The following DMBT1 variants were observed in gnomAD, a reference collection of about 807,000 sequenced individuals.
The protein encoded by DMBT1 is deleted in malignant brain tumors 1, also known as scavenger receptor cysteine-rich domain-containing protein DMBT1.
DMBT1 carries 198 observed loss-of-function variants against 252.9 expected under a neutral mutation model. The observed-to-expected ratio is 0.78, with a 90% confidence interval of 0.70 to 0.88. DMBT1 has a LOEUF of 0.88. DMBT1 is among the 40% of genes least tolerant of loss of function. DMBT1 has a pLI of 0.00. For missense variants in DMBT1, 2,432 were observed against 2,404.7 expected (o/e 1.01, Z -0.24); for synonymous variants, 990 against 942.7 (o/e 1.05, Z -0.92).
Position 122,633,208 on chromosome 10 carries a change from G to A in DMBT1, c.6415G>A (p.Gly2139Ser). The change falls in exon 52 of 56, where the codon GGC (glycine) becomes AGC (serine). Residue 2139 changes from glycine (G) to serine (S), a missense_variant. Coordinates refer to ENST00000338354, the MANE Select transcript of DMBT1 (RefSeq NM_001377530.1). ...TRPNTDYSCG[G>S]FLSQPSGDFS... ...CCTGACAGCAGATTATTCCTGCGGA[G>A]GCTTCCTATCCCAACCATCAGGGGA... 6.2e-7 allele frequency: 1 copy of A among 1,614,034 alleles called. No individual in the cohort carries two copies.
chr10:122,634,400 C>CTTTCTTTCTTTCT (rs1289740443), intron 52 of DMBT1, among the ~76,000 whole-genome samples: 4 of 84,478 alleles, frequency 4.7e-5, no homozygotes, highest in Middle Eastern at 5.6e-3. Flanking sequence ...TTCTTTCTTT[C>CTTTCTTTCTTTCT]TTTTCTTTCT....
chr10:122,564,632 A>AT (rs34136647), intron 1 of DMBT1, among the ~76,000 whole-genome samples: 92,574 of 149,258 alleles, frequency 0.62, 29,079 homozygotes, highest in Admixed American at 0.7. Context: ...CATCACATGT[A>AT]TTTTTTTTTT....
chr10:122,596,906 C>T, intron 23 of DMBT1, 119 bp from the exon 24 acceptor site: 1 of 266,234 alleles, frequency 3.8e-6, no homozygotes, highest in Non-Finnish European at 6.2e-6. Flanking sequence ...CAATGCCCTC[C>T]CTCTGTGATG....
intron 14 of DMBT1, 63 bp from the exon 15 acceptor site, chr10:122,585,208 T>G: frequency 1.3e-6 from 2 of 1,562,072 alleles, no homozygotes; most frequent in Non-Finnish European, 1.7e-6. Flanking sequence ...TCCGGAGACT[T>G]TTCCTTTTGG....
Position 122,592,794 on chromosome 10 carries a change from C to A in DMBT1, c.2500+199C>A, listed in dbSNP as rs190623343. Among the ~76,000 whole-genome samples the A allele has an allele frequency of 2.9e-3, 426 of 148,760 alleles. 16 individuals are homozygous for A. Among genetic ancestry groups the A allele is most frequent in the African/African-American group, 9.5e-3 (390 of 41,204 alleles). On this transcript the variant is annotated intron_variant, in intron 20 of 55. Coordinates refer to ENST00000338354, the MANE Select transcript of DMBT1 (RefSeq NM_001377530.1). Reference sequence around the variant, plus strand: ...TCCTGTGGTCACTTAGGACAGGCCCCAAACTGAAACAACAACCCAGACTTT... The same window carrying A: ...TCCTGTGGTCACTTAGGACAGGCCCAAAACTGAAACAACAACCCAGACTTT...
rs1461525141 is a variant in DMBT1 at position 122,640,117 on chromosome 10, C to T, written c.7020C>T (p.Asp2340=). ...VSGGIIKRRT[D]LRIHVSCRML... ...GTGGCATCATCAAGAGGAGGACAGA[C>T]CTCCGTATTCACGTCAGCTGCAGAA... The change falls in exon 55 of 56, where the codon GAC becomes GAT. Residue 2340 remains aspartate, a synonymous_variant. Transcript: ENST00000338354. 3.7e-6 allele frequency: 6 copies of T among 1,613,962 alleles called. No individual in the cohort carries two copies. In the African/African-American group the frequency reaches 5.3e-5, roughly 14 times the overall value.
At chr10:122,564,406 C>T (rs2097572531) in intron 1 of DMBT1, among the ~76,000 whole-genome samples, 2 of 152,182 alleles carry the variant, frequency 1.3e-5, no homozygotes, top group Admixed American at 6.5e-5. Context: ...GAATTTGAAT[C>T]TAGCCTGGGC....
intron 5 of DMBT1, 37 bp downstream of exon 5, chr10:122,572,398 ACCCC>A (rs747502980): frequency 6.2e-7 from 1 of 1,606,596 alleles, no homozygotes; most frequent in South Asian, 1.1e-5. Context: ...TGGGCTCATT[ACCCC>A]TCTGTACTCC....
Position 122,598,843 on chromosome 10 carries a change from T to C in DMBT1, c.3026T>C (p.Leu1009Pro), listed in dbSNP as rs756953868. 1.2e-6 allele frequency: 2 copies of C among 1,613,726 alleles called. No homozygotes were observed. The highest frequency in any genetic ancestry group is 2.7e-5 in the African/African-American group (2 of 75,060). ...GDRCQGRVEV[L>P]YQGSWGTVCD... ...AGGTGTCAGGGCCGAGTGGAGGTCC[T>C]ATACCAAGGCTCCTGGGGCACCGTG... Residue 1009 changes from leucine (L) to proline (P), a missense_variant, in exon 26 of 56, where the codon CTA becomes CCA. This residue lies in a region of DMBT1 where 1,264 missense variants were observed against 1,082.2 expected (regional missense o/e 1.17). Coordinates refer to ENST00000338354, the MANE Select transcript of DMBT1 (RefSeq NM_001377530.1).
rs527623493 is a variant in DMBT1, at chr10:122,577,949, T to C, written c.637+109T>C. ...TCTCTGCAGATACTCTGGGGCATAT[T>C]ATTTCACCCCCAACTCTGTAACTGA... On this transcript the variant is annotated intron_variant, in intron 8 of 55. Transcript: ENST00000338354. The C allele has an allele frequency of 1.2e-5, 15 of 1,229,750 alleles. No homozygotes were observed. The Admixed American group carries it at 1.6e-4, about 13-fold the overall frequency. 76.2% of individuals were successfully genotyped at this position (1,229,750 alleles called of 1,614,324 possible).
At position 122,589,031 on chromosome 10, in the gene DMBT1, G is replaced by A. The variant is rs779608718; in HGVS notation, c.1871G>A (p.Gly624Asp). The change falls in exon 17 of 56, where the codon GGC (glycine) becomes GAC (aspartate). Residue 624 changes from glycine to aspartate, a missense_variant. Gly to Asp is a moderately conservative substitution (Grantham distance 94). Transcript: ENST00000338354. The stretch of plus-strand genomic sequence containing the variant: ...GAGGTCCTATACCGAGGCTCTTGGG[G>A]CACCGTGTGTGATGACAGCTGGGAC... ...RVEVLYRGSWGTVCDDSWDTN... is the reference protein window; with the variant it reads ...RVEVLYRGSWDTVCDDSWDTN... The A allele has an allele frequency of 7.6e-6, 12 of 1,588,812 alleles. 2 individuals are homozygous for A. The South Asian group carries it at 1.2e-4, about 15-fold the overall frequency.
intron 19 of DMBT1, 56 bp downstream of exon 19, chr10:122,591,573 T>G: frequency 2.0e-6 from 3 of 1,511,992 alleles, no homozygotes; most frequent in Non-Finnish European, 2.7e-6. Context: ...GGACAAATGT[T>G]TTCTCTGAAA....
intron 17 of DMBT1, 80 bp from the exon 18 acceptor site, chr10:122,590,585 C>T: frequency 6.7e-7 from 1 of 1,500,124 alleles, no homozygotes; most frequent in Non-Finnish European, 9.2e-7. Flanking sequence ...AAGGCGCTAC[C>T]AGTTTAGTTC....
rs111936242 is a variant in DMBT1 at position 122,633,352 on chromosome 10, G to A, written c.6548+11G>A. 1.6e-5 allele frequency: 26 copies of A among 1,613,466 alleles called. No homozygotes were observed. The highest frequency in any genetic ancestry group is 2.2e-5 in the East Asian group (1 of 44,836). The stretch of plus-strand genomic sequence containing the variant: ...CTTCAGAGATGTCCAGTAAGTGTGC[G>A]CCCAGAAGAATGCCTTGGGGCCCCA... On this transcript the variant is annotated intron_variant, in intron 52 of 55. Coordinates refer to ENST00000338354, the MANE Select transcript of DMBT1 (RefSeq NM_001377530.1).
rs557522463 is a variant in DMBT1, at chr10:122,585,075, G to A, written c.1421-196G>A. ...CCACACTTCAGAGGCAGGAGGGATC[G>A]AACTGGTCTCCAGCAAGGCTTATGT... On this transcript the variant is annotated intron_variant, in intron 14 of 55. Transcript: ENST00000338354. Among the ~76,000 whole-genome samples the A allele has an allele frequency of 4.0e-5, 6 of 148,816 alleles. 1 individual carries two copies. In the East Asian group the frequency reaches 8.3e-4, roughly 21 times the overall value.
At chr10:122,627,781 A>T (rs1427306714) in intron 46 of DMBT1, among the ~76,000 whole-genome samples, 1 of 152,258 alleles carries the variant, frequency 6.6e-6, no homozygotes, top group African/African-American at 2.4e-5. Context: ...AAATGGGAGA[A>T]CGTATTTCTA....
intron 25 of DMBT1, 31 bp from the exon 26 acceptor site, chr10:122,598,743 A>T (rs1230610897): frequency 6.2e-7 from 1 of 1,612,088 alleles, no homozygotes; most frequent in African/African-American, 1.3e-5. Context: ...CATGATAGGG[A>T]TGGATGAAGG....
rs1183216494 is a variant in DMBT1 at position 122,630,997 on chromosome 10, A to G, written c.6062A>G (p.Tyr2021Cys). ...TLRLVNLNSS[Y>C]GLCAGRVEIY... ...AGGTTGGTCAATTTAAATTCATCCT[A>G]TGGTCTATGTGCCGGGCGTGTAGAA... The change falls in exon 49 of 56, where the codon TAT (tyrosine) becomes TGT (cysteine). Residue 2021 changes from tyrosine (Y) to cysteine (C), a missense_variant. Around this residue, in one of 3 missense-constraint regions of DMBT1, gnomAD observed 1,162 missense variants for 1,169.0 expected, o/e 0.99. Transcript: ENST00000338354. 8 of 1,609,834 alleles carry G rather than the reference A, an allele frequency of 5.0e-6. No homozygotes were observed. In the East Asian group the frequency reaches 8.9e-5, roughly 18 times the overall value.
intron 14 of DMBT1, 114 bp from the exon 15 acceptor site, chr10:122,585,157 C>T (rs1241744613): frequency 2.2e-6 from 3 of 1,356,382 alleles, no homozygotes; most frequent in Non-Finnish European, 3.1e-6. Context: ...AGCAAAGTGG[C>T]AGGAATCAGA....
Sources: allele counts gnomAD v4.1 joint callset (sites outside exome capture counted in the v4.1 genomes callset), GRCh38; gene constraint gnomAD v4.1.1; regional missense constraint gnomAD v4.1.1; transcripts MANE v1.5; gene names NCBI Gene and HGNC (gene_info 2026-07-23, HGNC 2026-07-21).